The following ATAD2B variants were observed in gnomAD, a reference collection of about 807,000 sequenced individuals.
ATAD2B encodes ATPase family AAA domain-containing protein 2B.
A neutral mutation model predicts 167.6 loss-of-function variants in ATAD2B; 40 were observed. That is an observed-to-expected ratio of 0.24 (90% CI 0.19 to 0.31). ATAD2B has a LOEUF of 0.31. ATAD2B is among the 10% of genes least tolerant of loss of function. The pLI, the probability that ATAD2B is intolerant of heterozygous loss-of-function variation, is 1.00. For missense variants in ATAD2B, 1,242 were observed against 1,757.2 expected, an observed-to-expected ratio of 0.71 and a Z score of 5.24; for synonymous variants, 579 against 596.5, an observed-to-expected ratio of 0.97 and a Z score of 0.43.
At chr2:23,805,556 T>C (rs1684235341) in intron 18 of ATAD2B, among the ~76,000 whole-genome samples, 1 of 152,212 alleles carries the variant, frequency 6.6e-6, no homozygotes, top group Non-Finnish European at 1.5e-5. Flanking sequence ...ACAAATATCC[T>C]TGTTCATTTA....
At chr2:23,830,048 G>C (rs1041687593) in intron 14 of ATAD2B, among the ~76,000 whole-genome samples, 1 of 152,038 alleles carries the variant, frequency 6.6e-6, no homozygotes, top group African/African-American at 2.4e-5. Flanking sequence ...ACAGTGGTGT[G>C]ATCTTACTCA....
At chr2:23,688,164 C>T in the ATAD2B span, among the ~76,000 whole-genome samples, 2 of 152,208 alleles carry the variant, frequency 1.3e-5, no homozygotes, top group Non-Finnish European at 2.9e-5. Context: ...GTCACCCACA[C>T]CTGTCACCAA....
chr2:23,753,816 T>C (rs1302166171), intron 27 of ATAD2B, among the ~76,000 whole-genome samples: 2 of 151,886 alleles, frequency 1.3e-5, no homozygotes, highest in Non-Finnish European at 2.9e-5. Context: ...TGATAAGGAG[T>C]GTGGGGCCAT....
intron 8 of ATAD2B, among the ~76,000 whole-genome samples, chr2:23,873,212 A>G (rs1573166884): frequency 6.6e-6 from 1 of 152,244 alleles, no homozygotes; most frequent in South Asian, 2.1e-4. Flanking sequence ...AAATTTGCCA[A>G]TAATAGCACA....
chr2:23,737,668 C>G, the ATAD2B span, among the ~76,000 whole-genome samples: 1 of 152,214 alleles, frequency 6.6e-6, no homozygotes, highest in Non-Finnish European at 1.5e-5. Flanking sequence ...AACGCAGCTC[C>G]TCACTAGCAA....
the ATAD2B span, chr2:23,696,060 C>T: frequency 1.3e-6 from 2 of 1,551,802 alleles, no homozygotes; most frequent in Non-Finnish European, 1.7e-6. The surrounding 1 kb of genome is among the most constrained non-coding windows in gnomAD (Gnocchi z 5.5). Flanking sequence ...AGTGGTACCC[C>T]TTGGCCTCGC....
At chr2:23,718,590 G>A in the ATAD2B span, among the ~76,000 whole-genome samples, 1 of 152,290 alleles carries the variant, frequency 6.6e-6, no homozygotes, top group East Asian at 1.9e-4. Context: ...ACTTGCCCCT[G>A]CGTGGTGCAC....
intron 13 of ATAD2B, among the ~76,000 whole-genome samples, chr2:23,857,038 G>A (rs1471489351): frequency 6.6e-6 from 1 of 150,664 alleles, no homozygotes; most frequent in Admixed American, 6.6e-5. Context: ...GCAAGAACTC[G>A]TCTCTAAAAT....
Position 23,847,569 on chromosome 2 carries a change from A to C in ATAD2B, c.1568+9846T>G, listed in dbSNP as rs554621694. Among the ~76,000 whole-genome samples, 3 of 152,206 alleles carry C rather than the reference A, an allele frequency of 2.0e-5. No homozygotes were observed. In the South Asian group the frequency reaches 6.2e-4, roughly 32 times the overall value. On this transcript the variant is annotated intron_variant, in intron 13 of 27. Transcript: ENST00000238789. ...GTGGCCCCAGCTATTTGGGAGGCTAAGGTGGGAGGATCAGTCGAGGCTGCA... is the reference window on the plus strand; with the variant it reads ...GTGGCCCCAGCTATTTGGGAGGCTACGGTGGGAGGATCAGTCGAGGCTGCA...
At chr2:23,890,257 A>C (rs950569080) in intron 2 of ATAD2B, among the ~76,000 whole-genome samples, 6 of 151,998 alleles carry the variant, frequency 3.9e-5, no homozygotes, top group Non-Finnish European at 8.8e-5. Context: ...CAAAACAAAA[A>C]AAACCCTCAT....
chr2:23,878,123 G>A (rs931308705), intron 7 of ATAD2B, among the ~76,000 whole-genome samples: 2 of 151,638 alleles, frequency 1.3e-5, no homozygotes, highest in African/African-American at 4.8e-5. Flanking sequence ...CACTTTAGGA[G>A]GCCAACATGT....
the ATAD2B span, chr2:23,703,647 C>G: frequency 2.7e-6 from 4 of 1,460,872 alleles, no homozygotes; most frequent in East Asian, 1.0e-4. Context: ...CCTGGAGGGT[C>G]TTCTGGGAAA....
chr2:23,809,915 A>T (rs1001854881), intron 18 of ATAD2B, among the ~76,000 whole-genome samples: 1 of 152,226 alleles, frequency 6.6e-6, no homozygotes, highest in Non-Finnish European at 1.5e-5. Flanking sequence ...CACTATTCTA[A>T]TATGAATATT....
the ATAD2B span, among the ~76,000 whole-genome samples, chr2:23,683,701 T>C: frequency 6.6e-6 from 1 of 152,144 alleles, no homozygotes; most frequent in Non-Finnish European, 1.5e-5. Context: ...CTCTGCCCCA[T>C]GTCAAAGCCC....
intron 21 of ATAD2B, among the ~76,000 whole-genome samples, chr2:23,784,207 A>G (rs1255100983): frequency 6.6e-6 from 1 of 152,102 alleles, no homozygotes; most frequent in Non-Finnish European, 1.5e-5. Context: ...TATATTATTA[A>G]AGACTATAAA....
chr2:23,746,235 T>C (rs2149280075), downstream of ATAD2B, among the ~76,000 whole-genome samples: 1 of 152,346 alleles, frequency 6.6e-6, no homozygotes, highest in Non-Finnish European at 1.5e-5. Context: ...AGCATAGTGA[T>C]TAAAAGCATC....
the ATAD2B span, among the ~76,000 whole-genome samples, chr2:23,722,980 A>G: frequency 6.6e-6 from 1 of 152,192 alleles, no homozygotes; most frequent in Non-Finnish European, 1.5e-5. Flanking sequence ...CAGGAAAAAA[A>G]CAAACCATCT....
chr2:23,818,684 T>G (rs1328299279), intron 17 of ATAD2B, among the ~76,000 whole-genome samples: 1 of 152,208 alleles, frequency 6.6e-6, no homozygotes, highest in Non-Finnish European at 1.5e-5. Context: ...ATATTAAAAG[T>G]ACACACAATC....
chr2:23,696,210 A>T, the ATAD2B span: 1 of 1,494,188 alleles, frequency 6.7e-7, no homozygotes, highest in South Asian at 1.3e-5. The surrounding 1 kb of genome is among the most constrained non-coding windows in gnomAD (Gnocchi z 5.5). Flanking sequence ...GGGCTGAGGA[A>T]GGCCATGGCC....
Sources: allele counts gnomAD v4.1 joint callset (sites outside exome capture counted in the v4.1 genomes callset), GRCh38; gene constraint gnomAD v4.1.1; non-coding constraint Gnocchi (gnomAD v3.1); transcripts MANE v1.5; gene names NCBI Gene and HGNC (gene_info 2026-07-23, HGNC 2026-07-21).